Variants in RBFOX3 observed in about 807,000 individuals in gnomAD.
RBFOX3 encodes the protein RNA binding protein fox-1 homolog 3.
In RBFOX3, 17 loss-of-function variants were observed where a neutral mutation model predicts 48.7. The observed-to-expected ratio is 0.35, with a 90% CI of 0.24 to 0.52. The LOEUF (loss-of-function observed/expected upper bound fraction) is 0.52, where lower values mean the gene tolerates loss of function less well. RBFOX3 is among the 20% of genes least tolerant of loss of function. RBFOX3 has a pLI of 0.94. For missense variants in RBFOX3, 382 were observed against 497.5 expected, an observed-to-expected ratio of 0.77 and a Z score of 2.21; for synonymous variants, 212 against 209.5, an observed-to-expected ratio of 1.01 and a Z score of -0.10.
intron 2 of RBFOX3, among the ~76,000 whole-genome samples, chr17:79,352,186 A>G (rs987246392): frequency 6.6e-6 from 1 of 152,132 alleles, no homozygotes. Context: ...CAACTGTTGG[A>G]CATGGGGCCT....
chr17:79,596,220 C>G (rs2093565964), intron 1 of RBFOX3, among the ~76,000 whole-genome samples: 1 of 152,230 alleles, frequency 6.6e-6, no homozygotes, highest in Admixed American at 6.5e-5. Context: ...AGGTTCACTT[C>G]CAAGGAAGGA....
rs182315487 is a variant in RBFOX3, at chr17:79,125,490, G to A, written c.-33-9742C>T. Among the ~76,000 whole-genome samples the A allele has an allele frequency of 2.8e-3, 431 of 152,374 alleles. 1 individual carries two copies. Among genetic ancestry groups the A allele is most frequent in the Non-Finnish European group, 4.8e-3 (325 of 68,032 alleles). On this transcript the variant is annotated intron_variant, in intron 4 of 14. Transcript: ENST00000693108. ...ACCCGGCCTATCCCTTGGCCAATGT[G>A]CTCTCCGGTCCTGCCTGGTAAGGTC...
rs1335623696 is a variant in RBFOX3 at position 79,299,699 on chromosome 17, G to T, written c.-74+8025C>A. The stretch of plus-strand genomic sequence containing the variant: ...TTTGAAGGGGTAATTTGGTTAAACT[G>T]AGTTAATTAGGGTGAGTCTTAATCC... On this transcript the variant is annotated intron_variant, in intron 3 of 14. Coordinates refer to ENST00000693108, the MANE Select transcript of RBFOX3 (RefSeq NM_001350451.2). The surrounding 1 kb of genome is among the most constrained non-coding windows in gnomAD (Gnocchi z 4.5). Among the ~76,000 whole-genome samples, 1 of 152,156 alleles carries T rather than the reference G, an allele frequency of 6.6e-6. No individual in the cohort carries two copies. Among genetic ancestry groups the T allele is most frequent in the Non-Finnish European group, 1.5e-5 (1 of 68,040 alleles).
At chr17:79,248,819 C>T (rs1232749720) in intron 3 of RBFOX3, among the ~76,000 whole-genome samples, 2 of 152,208 alleles carry the variant, frequency 1.3e-5, no homozygotes, top group African/African-American at 4.8e-5. Context: ...GGTGTTGCCA[C>T]GCAGAGCCAC....
intron 2 of RBFOX3, among the ~76,000 whole-genome samples, chr17:79,359,836 C>T (rs1365491096): frequency 6.6e-6 from 1 of 152,040 alleles, no homozygotes; most frequent in Non-Finnish European, 1.5e-5. Context: ...AGTGATCCTC[C>T]CACCTCAGCC....
rs2066272492 is a variant in RBFOX3 at position 79,421,029 on chromosome 17, G to A, written c.-175+61425C>T. Reference sequence around the variant, plus strand: ...CTGAGTGAGCCTCCCCTGGTGGGTTGAGGGGCTTCCCTACTGGGTGAGCCT... The same window carrying A: ...CTGAGTGAGCCTCCCCTGGTGGGTTAAGGGGCTTCCCTACTGGGTGAGCCT... On this transcript the variant is annotated intron_variant, in intron 2 of 14. Transcript: ENST00000693108. The surrounding 1 kb of genome is among the most constrained non-coding windows in gnomAD (Gnocchi z 4.5). 6.6e-6 allele frequency among the ~76,000 whole-genome samples: 1 copy of A among 151,614 alleles called. No homozygotes were observed. Among genetic ancestry groups the A allele is most frequent in the Non-Finnish European group, 1.5e-5 (1 of 67,810 alleles).
the RBFOX3 span, among the ~76,000 whole-genome samples, chr17:79,627,872 G>A: frequency 1.3e-5 from 2 of 152,088 alleles, no homozygotes; most frequent in Non-Finnish European, 1.5e-5. Context: ...AGCAGGGGAG[G>A]GCTTACGTTC....
At chr17:79,664,834 C>G in the RBFOX3 span, among the ~76,000 whole-genome samples, 7 of 152,192 alleles carry the variant, frequency 4.6e-5, no homozygotes, top group African/African-American at 1.7e-4. Flanking sequence ...CAAGGAGGGA[C>G]CTTCTATAAG....
intron 1 of RBFOX3, among the ~76,000 whole-genome samples, chr17:79,510,182 T>C (rs955350343): frequency 7.2e-5 from 11 of 152,158 alleles, no homozygotes; most frequent in Non-Finnish European, 1.3e-4. Context: ...AATTGTCTGG[T>C]GTCGACAGAG....
At chr17:79,368,376 C>T (rs370895370) in intron 2 of RBFOX3, among the ~76,000 whole-genome samples, 5 of 152,216 alleles carry the variant, frequency 3.3e-5, no homozygotes, top group East Asian at 1.9e-4. Flanking sequence ...CAGGATCCTG[C>T]GTGCTGTCCT....
intron 3 of RBFOX3, among the ~76,000 whole-genome samples, chr17:79,274,874 A>G (rs1330749048): frequency 6.6e-6 from 1 of 150,902 alleles, no homozygotes; most frequent in Non-Finnish European, 1.5e-5. Flanking sequence ...TCCAAAACCA[A>G]CCCCAAATCC....
the RBFOX3 span, among the ~76,000 whole-genome samples, chr17:79,631,633 C>T: frequency 2.0e-5 from 3 of 152,182 alleles, no homozygotes; most frequent in Non-Finnish European, 2.9e-5. Flanking sequence ...CTCAAGGCAC[C>T]GAGGAAGTGT....
intron 2 of RBFOX3, among the ~76,000 whole-genome samples, chr17:79,381,937 A>C (rs1207251946): frequency 6.6e-6 from 1 of 152,186 alleles, no homozygotes; most frequent in Non-Finnish European, 1.5e-5. Context: ...CGGTGTCACC[A>C]TCATCACAAA....
At chr17:79,424,723 G>A (rs1438309269) in intron 2 of RBFOX3, among the ~76,000 whole-genome samples, 10 of 152,108 alleles carry the variant, frequency 6.6e-5, no homozygotes, top group South Asian at 4.1e-4. Context: ...CTTCCCCCTC[G>A]GGCCGGGCCG....
chr17:79,255,557 C>T (rs116572087), intron 3 of RBFOX3, among the ~76,000 whole-genome samples: 2,355 of 152,194 alleles, frequency 0.015, 67 homozygotes, highest in African/African-American at 0.054. Context: ...AGCCAGAAGC[C>T]GAGGCTAGCA....
In RBFOX3 at chr17:79,363,107, C is replaced by T. The variant is rs2057224803; in HGVS notation, c.-174-55283G>A. On this transcript the variant is annotated intron_variant, in intron 2 of 14. Coordinates refer to ENST00000693108, the MANE Select transcript of RBFOX3 (RefSeq NM_001350451.2). The surrounding 1 kb of genome is among the most constrained non-coding windows in gnomAD (Gnocchi z 4.7). ...TGCGAGGTTTCTGGGCCATAGTGAG[C>T]CGCAGGGGAGGCACGTGGCTCCTGC... 6.6e-6 allele frequency among the ~76,000 whole-genome samples: 1 copy of T among 152,196 alleles called. No homozygotes were observed. The highest frequency in any genetic ancestry group is 2.4e-5 in the African/African-American group (1 of 41,454).
In RBFOX3 at chr17:79,481,613, A is replaced by C. The variant is rs916963481; in HGVS notation, c.-175+841T>G. Among the ~76,000 whole-genome samples the C allele has an allele frequency of 4.6e-5, 7 of 152,156 alleles. No individual in the cohort carries two copies. The highest frequency in any genetic ancestry group is 8.8e-5 in the Non-Finnish European group (6 of 68,024). On this transcript the variant is annotated intron_variant, in intron 2 of 14. Coordinates refer to ENST00000693108, the MANE Select transcript of RBFOX3 (RefSeq NM_001350451.2). This position sits in a 1 kb window ranked among gnomAD's most constrained non-coding sequence, Gnocchi z 5.4. ...CCACCTCAGGGGAGCAGAGAGGGCT[A>C]GAGACAGCTCAGTCACGTGGCTCGG...
the RBFOX3 span, among the ~76,000 whole-genome samples, chr17:79,659,357 G>A: frequency 3.3e-5 from 5 of 152,210 alleles, no homozygotes; most frequent in Non-Finnish European, 7.3e-5. Flanking sequence ...GCGGCCTGTT[G>A]TGGATAGATA....
intron 3 of RBFOX3, among the ~76,000 whole-genome samples, chr17:79,236,096 C>T (rs575606686): frequency 6.6e-6 from 1 of 152,280 alleles, no homozygotes; most frequent in African/African-American, 2.4e-5. Context: ...TCTGGATGTT[C>T]CTTTTTTTCC....
Sources: allele counts gnomAD v4.1 joint callset (sites outside exome capture counted in the v4.1 genomes callset), GRCh38; gene constraint gnomAD v4.1.1; non-coding constraint Gnocchi (gnomAD v3.1); transcripts MANE v1.5; gene names NCBI Gene and HGNC (gene_info 2026-07-23, HGNC 2026-07-21).